CERS3: variants seen among roughly 807,000 people sequenced by gnomAD.
CERS3 encodes ceramide synthase 3.
Under a neutral mutation model 50.3 loss-of-function variants are expected in CERS3, and 33 were observed. The observed-to-expected ratio is 0.66, with a 90% confidence interval of 0.50 to 0.88. The LOEUF (loss-of-function observed/expected upper bound fraction) is 0.88. Among genes scored for constraint, CERS3 ranks in the 40% least tolerant of loss-of-function variants. The pLI is 0.00. For missense variants in CERS3, 470 were observed against 460.3 expected, an observed-to-expected ratio of 1.02 and a Z score of -0.19; for synonymous variants, 176 against 155.2, an observed-to-expected ratio of 1.13 and a Z score of -0.99.
intron 1 of CERS3, among the ~76,000 whole-genome samples, chr15:100,542,577 A>G (rs2142443375): frequency 1.3e-5 from 2 of 152,330 alleles, no homozygotes; most frequent in South Asian, 4.1e-4. Flanking sequence ...TAAAACATGG[A>G]GCTAATTAGT....
At chr15:100,436,729 C>A (rs528688979) in intron 11 of CERS3, among the ~76,000 whole-genome samples, 1 of 152,038 alleles carries the variant, frequency 6.6e-6, no homozygotes, top group South Asian at 2.1e-4. Context: ...AGTGATAGGA[C>A]ACCAGCTATA....
At chr15:100,442,419 A>G (rs1285678105) in intron 11 of CERS3, among the ~76,000 whole-genome samples, 2 of 152,208 alleles carry the variant, frequency 1.3e-5, no homozygotes, top group Non-Finnish European at 2.9e-5. Flanking sequence ...GCAGCCAAGT[A>G]ACAATGTATT....
At chr15:100,494,550 A>G (rs984005298) in intron 3 of CERS3, among the ~76,000 whole-genome samples, 1 of 151,908 alleles carries the variant, frequency 6.6e-6, no homozygotes, top group Non-Finnish European at 1.5e-5. Flanking sequence ...ACCTTTTTTG[A>G]ATTAATCTGT....
At chr15:100,541,426 C>A (rs544919376) in intron 1 of CERS3, among the ~76,000 whole-genome samples, 5 of 152,000 alleles carry the variant, frequency 3.3e-5, no homozygotes, top group Non-Finnish European at 5.9e-5. Context: ...GAGCCAAGAT[C>A]GTGCCACTGC....
intron 11 of CERS3, among the ~76,000 whole-genome samples, chr15:100,418,099 G>C (rs952219403): frequency 2.0e-4 from 30 of 152,106 alleles, no homozygotes; most frequent in African/African-American, 7.2e-4. Flanking sequence ...TTGACGAGCT[G>C]AGAGAAGAAG....
chr15:100,522,518 G>A (rs1368995481), intron 1 of CERS3, among the ~76,000 whole-genome samples: 5 of 152,214 alleles, frequency 3.3e-5, no homozygotes, highest in African/African-American at 7.2e-5. Flanking sequence ...CCATGGATCC[G>A]TGTTGCCTGT....
chr15:100,494,258 T>TATATATATATA (rs1555531583), intron 3 of CERS3, among the ~76,000 whole-genome samples: 9 of 12,488 alleles, frequency 7.2e-4, no homozygotes, highest in Non-Finnish European at 2.1e-3. Context: ...TATATATATA[T>TATATATATATA]TTGTTTTGAG....
At chr15:100,473,635 A>C (rs1181610198) in intron 8 of CERS3, among the ~76,000 whole-genome samples, 1 of 152,264 alleles carries the variant, frequency 6.6e-6, no homozygotes, top group Non-Finnish European at 1.5e-5. Context: ...ATAATAAAAA[A>C]GATGAACAAT....
chr15:100,446,616 A>G (rs978502860), intron 11 of CERS3, among the ~76,000 whole-genome samples: 6 of 152,188 alleles, frequency 3.9e-5, no homozygotes, highest in Admixed American at 1.3e-4. Flanking sequence ...AAGTCACTCA[A>G]TCTGACAATA....
intron 11 of CERS3, among the ~76,000 whole-genome samples, chr15:100,453,864 A>G (rs1481638954): frequency 6.6e-6 from 1 of 152,238 alleles, no homozygotes; most frequent in Non-Finnish European, 1.5e-5. Context: ...TAGCTGAAAA[A>G]GAACTCAATA....
At chr15:100,466,900 C>T (rs1047047473) in intron 10 of CERS3, among the ~76,000 whole-genome samples, 2 of 123,218 alleles carry the variant, frequency 1.6e-5, no homozygotes, top group African/African-American at 5.6e-5. Context: ...GTTGCCCAGG[C>T]TGGAGTGCAG....
chr15:100,490,610 A>AACTATTTTATTTT (rs2035621065), intron 4 of CERS3, among the ~76,000 whole-genome samples: 1 of 152,212 alleles, frequency 6.6e-6, no homozygotes, highest in Non-Finnish European at 1.5e-5. Flanking sequence ...TTCAACTGTT[A>AACTATTTTATTTT]ATATTTGTTA....
intron 4 of CERS3, among the ~76,000 whole-genome samples, chr15:100,489,030 C>A (rs2035572493): frequency 6.6e-6 from 1 of 152,232 alleles, no homozygotes; most frequent in Admixed American, 6.5e-5. Context: ...CCACCTTGGG[C>A]TCCCAAAGTG....
chr15:100,479,642 A>G (rs947308578), intron 6 of CERS3, 164 bp from the exon 7 acceptor site: 5 of 608,052 alleles, frequency 8.2e-6, no homozygotes, highest in Admixed American at 6.3e-5. Flanking sequence ...TATTGCACGT[A>G]TTTCTCCCTC....
chr15:100,533,607 C>A (rs1459031883), upstream of CERS3, among the ~76,000 whole-genome samples: 1 of 132,932 alleles, frequency 7.5e-6, no homozygotes, highest in Non-Finnish European at 1.5e-5. Context: ...ACCCAGGCTG[C>A]AGTGCAGTGG....
At chr15:100,470,676 T>G (rs2034939600) in intron 9 of CERS3, among the ~76,000 whole-genome samples, 1 of 152,134 alleles carries the variant, frequency 6.6e-6, no homozygotes, top group South Asian at 2.1e-4. Context: ...ATATTCTGGA[T>G]TGTGTAATGA....
intron 11 of CERS3, among the ~76,000 whole-genome samples, chr15:100,432,831 A>G (rs772528390): frequency 2.6e-5 from 4 of 152,190 alleles, no homozygotes; most frequent in African/African-American, 4.8e-5. Context: ...GTAGGGCTTG[A>G]TGACTGGTAT....
intron 2 of CERS3, among the ~76,000 whole-genome samples, chr15:100,519,106 C>T (rs963073444): frequency 4.0e-5 from 6 of 151,896 alleles, no homozygotes; most frequent in Non-Finnish European, 8.8e-5. Flanking sequence ...TTGCAGTGAG[C>T]TGAGATCGCG....
chr15:100,483,787 A>ATTATTATTATTATTTTTTTTTTT (rs760594142), intron 5 of CERS3, among the ~76,000 whole-genome samples: 3 of 100,040 alleles, frequency 3.0e-5, no homozygotes, highest in African/African-American at 1.1e-4. Flanking sequence ...TATTATTATT[A>ATTATTATTATTATTTTTTTTTTT]TTTTTTTTTT....
Sources: gnomAD v4.1 joint callset for allele counts (sites outside exome capture counted in the v4.1 genomes callset) on GRCh38, gnomAD v4.1.1 for gene constraint, MANE v1.5 for transcripts, NCBI Gene and HGNC (gene_info 2026-07-23, HGNC 2026-07-21) for gene names.